Variants in ESR1 observed in about 807,000 individuals in gnomAD.
ESR1 encodes the protein estrogen receptor.
ESR1 carries 12 observed loss-of-function variants against 52.7 expected under a neutral mutation model. That is an observed-to-expected ratio of 0.23 (90% CI 0.15 to 0.37). The LOEUF (loss-of-function observed/expected upper bound fraction) is 0.37. Ranked by LOEUF, ESR1 falls within the 10% of genes least tolerant of loss-of-function variation. The pLI, the probability that ESR1 is intolerant of heterozygous loss-of-function variation, is 1.00. For synonymous variants in ESR1, 305 were observed against 316.8 expected (o/e 0.96, Z 0.39); for missense variants, 584 against 779.7 (o/e 0.75, Z 2.99).
At chr6:151,715,980 C>G in intron 2 of ESR1, among the ~76,000 whole-genome samples, 1 of 152,146 alleles carries the variant, frequency 6.6e-6, no homozygotes, top group African/African-American at 2.4e-5. Flanking sequence ...ATTTATCTAC[C>G]TTTGGTCTTT....
rs964981387 is a variant in ESR1, at chr6:151,831,719, G to T, written c.453-10878G>T. On this transcript the variant is annotated intron_variant, in intron 1 of 7. Transcript: ENST00000206249. Reference sequence around the variant, plus strand: ...TATTTCTAAAACAACTGGTGTTGTAGTAGTACTGCTTAGAGTACTTTCAAG... The same window carrying T: ...TATTTCTAAAACAACTGGTGTTGTATTAGTACTGCTTAGAGTACTTTCAAG... 5.3e-5 allele frequency among the ~76,000 whole-genome samples: 8 copies of T among 152,184 alleles called. No homozygotes were observed. In the East Asian group the frequency reaches 1.2e-3, roughly 22 times the overall value.
intron 6 of ESR1, among the ~76,000 whole-genome samples, chr6:152,064,264 C>G (rs1265096719): frequency 6.6e-6 from 1 of 152,184 alleles, no homozygotes; most frequent in East Asian, 1.9e-4. Flanking sequence ...AGGGCAAAAG[C>G]CCGTGAAGCA....
rs9340860 is a variant in ESR1, at chr6:151,889,463, A to G, written c.760+8692A>G. Among the ~76,000 whole-genome samples the G allele has an allele frequency of 1.5e-3, 231 of 151,646 alleles. 3 individuals carry two copies. The highest frequency in any genetic ancestry group is 5.3e-3 in the African/African-American group (220 of 41,366). On this transcript the variant is annotated intron_variant, in intron 3 of 7. Coordinates refer to ENST00000206249, the MANE Select transcript of ESR1 (RefSeq NM_000125.4). The stretch of plus-strand genomic sequence containing the variant: ...TTGTTGGTGTGTAATTCATCATAGT[A>G]CTCTTATAATTTTTTGCATTTCTGT...
chr6:151,880,817 C>T (rs773989658), intron 3 of ESR1, 46 bp downstream of exon 3: 18 of 965,496 alleles, frequency 1.9e-5, no homozygotes, highest in South Asian at 3.8e-5. Flanking sequence ...CCCTGGCCAC[C>T]GCCCAGTGCT....
chr6:152,055,603 A>G (rs986683042), intron 5 of ESR1, among the ~76,000 whole-genome samples: 1 of 152,154 alleles, frequency 6.6e-6, no homozygotes, highest in Non-Finnish European at 1.5e-5. Context: ...AAGGCCATTT[A>G]TCTTTGATCT....
chr6:152,115,808 C>A (rs1382266761), intron 6 of ESR1, among the ~76,000 whole-genome samples: 1 of 152,158 alleles, frequency 6.6e-6, no homozygotes, highest in Non-Finnish European at 1.5e-5. Flanking sequence ...ATTTTAAAAA[C>A]AATGAGCTAC....
chr6:151,857,407 C>T (rs1788040815), intron 2 of ESR1, among the ~76,000 whole-genome samples: 2 of 151,762 alleles, frequency 1.3e-5, no homozygotes, highest in Non-Finnish European at 2.9e-5. Flanking sequence ...GAGGAGTCTT[C>T]GAACAAATCC....
At chr6:151,684,958 T>A (rs987986969) in intron 1 of ESR1, among the ~76,000 whole-genome samples, 1 of 152,194 alleles carries the variant, frequency 6.6e-6, no homozygotes, top group Non-Finnish European at 1.5e-5. Flanking sequence ...GGCTTCACTT[T>A]GTTTGTTCTG....
intron 7 of ESR1, chr6:152,096,792 T>C (rs2050647506): frequency 2.5e-6 from 1 of 395,144 alleles, no homozygotes; most frequent in African/African-American, 2.1e-5. Context: ...AGGGAAGCCA[T>C]GAGTGGATTA....
intron 2 of ESR1, among the ~76,000 whole-genome samples, chr6:151,759,539 A>T (rs1784520800): frequency 6.6e-6 from 1 of 152,150 alleles, no homozygotes; most frequent in African/African-American, 2.4e-5. Flanking sequence ...AAAAAAGAAT[A>T]ACAGGAAAAA....
chr6:152,024,596 A>G (rs1230525169), intron 5 of ESR1, among the ~76,000 whole-genome samples: 2 of 150,072 alleles, frequency 1.3e-5, no homozygotes, highest in African/African-American at 4.9e-5. Flanking sequence ...ACAAATTTTT[A>G]TATTTGTGCC....
chr6:152,024,975 T>G (rs1202944598), intron 5 of ESR1, among the ~76,000 whole-genome samples: 1 of 151,486 alleles, frequency 6.6e-6, no homozygotes, highest in Non-Finnish European at 1.5e-5. Flanking sequence ...GTCTAAAAGA[T>G]TTTTTCTTAG....
chr6:151,998,058 A>G (rs1395891925), intron 4 of ESR1, among the ~76,000 whole-genome samples: 1 of 152,110 alleles, frequency 6.6e-6, no homozygotes, highest in Non-Finnish European at 1.5e-5. Context: ...AAAATTTCAC[A>G]TTAACTCATT....
Position 151,842,523 on chromosome 6 carries a change from A to T in ESR1, c.453-74A>T, listed in dbSNP as rs1252174661. On this transcript the variant is annotated intron_variant, in intron 1 of 7. Coordinates refer to ENST00000206249, the MANE Select transcript of ESR1 (RefSeq NM_000125.4). The stretch of plus-strand genomic sequence containing the variant: ...ATTTCAAAATGTCAGGATAAAGTGG[A>T]TCTGCTGCATCTCCCAGAGAGTGCA... The T allele has an allele frequency of 2.4e-6, 3 of 1,237,250 alleles. No homozygotes were observed. In the African/African-American group the frequency reaches 4.5e-5, roughly 18 times the overall value. The allele number at this position is 1,237,250 out of a possible 1,614,324, so 76.6% of individuals were successfully genotyped here.
At chr6:151,877,818 T>C (rs1259213429) in intron 2 of ESR1, among the ~76,000 whole-genome samples, 1 of 150,656 alleles carries the variant, frequency 6.6e-6, no homozygotes, top group Non-Finnish European at 1.5e-5. Context: ...ATTTTATTCT[T>C]TTTTTTTTAG....
In ESR1 at chr6:151,729,319, C is replaced by T. The variant is rs181721113; in HGVS notation, c.-71+27314C>T. On this transcript the variant is annotated intron_variant, in intron 2 of 2. Coordinates refer to the ESR1 transcript ENST00000404742. ...CCTTGGCCTTGGACTTCCCAGCCTCCAGAACCATGAGAAGTAAATTTCTGT... is the reference window on the plus strand; with the variant it reads ...CCTTGGCCTTGGACTTCCCAGCCTCTAGAACCATGAGAAGTAAATTTCTGT... Among the ~76,000 whole-genome samples, 491 of 152,080 alleles carry T rather than the reference C, an allele frequency of 3.2e-3. 4 individuals are homozygous for T. The highest frequency in any genetic ancestry group is 0.011 in the African/African-American group (468 of 41,542).
chr6:151,874,201 C>A (rs780403195), intron 2 of ESR1, among the ~76,000 whole-genome samples: 1 of 152,106 alleles, frequency 6.6e-6, no homozygotes, highest in Non-Finnish European at 1.5e-5. Flanking sequence ...CTTAATGGGA[C>A]GACACCTTTT....
At chr6:152,109,651 A>C (rs1045724946) in intron 6 of ESR1, among the ~76,000 whole-genome samples, 2 of 152,162 alleles carry the variant, frequency 1.3e-5, no homozygotes, top group African/African-American at 4.8e-5. Flanking sequence ...GTGCCATTGC[A>C]CTCCAGCCTG....
chr6:151,916,080 T>C (rs1398040003), intron 3 of ESR1, among the ~76,000 whole-genome samples: 1 of 152,232 alleles, frequency 6.6e-6, no homozygotes, highest in African/African-American at 2.4e-5. Context: ...TGCATCGAGA[T>C]GCATTAATTT....
Sources: allele counts gnomAD v4.1 joint callset (sites outside exome capture counted in the v4.1 genomes callset), GRCh38; gene constraint gnomAD v4.1.1; transcripts MANE v1.5; gene names NCBI Gene and HGNC (gene_info 2026-07-23, HGNC 2026-07-21).